The following MAGI2 variants were observed in gnomAD, a reference collection of about 807,000 sequenced individuals.
The protein encoded by MAGI2 is membrane-associated guanylate kinase, WW and PDZ domain-containing protein 2.
A neutral mutation model predicts 133.3 loss-of-function variants in MAGI2; 35 were observed. The observed-to-expected ratio is 0.26, with a 90% confidence interval of 0.20 to 0.35. MAGI2 has a LOEUF of 0.35. Ranked by LOEUF, MAGI2 falls within the 10% of genes least tolerant of loss-of-function variation. MAGI2 has a pLI of 1.00. For synonymous variants in MAGI2, 729 were observed against 710.6 expected, an observed-to-expected ratio of 1.03 and a Z score of -0.41; for missense variants, 1,636 against 1,863.4, an observed-to-expected ratio of 0.88 and a Z score of 2.25.
chr7:79,183,885 C>A (rs1826835999), intron 1 of MAGI2, among the ~76,000 whole-genome samples: 1 of 151,512 alleles, frequency 6.6e-6, no homozygotes, highest in South Asian at 2.1e-4. Context: ...AAGTCAGGCA[C>A]AGAAAGACAA....
chr7:78,985,943 T>G (rs1805218624), intron 2 of MAGI2, among the ~76,000 whole-genome samples: 1 of 152,066 alleles, frequency 6.6e-6, no homozygotes, highest in Non-Finnish European at 1.5e-5. Context: ...TATAGAAGAT[T>G]CCAGGTAATG....
intron 2 of MAGI2, among the ~76,000 whole-genome samples, chr7:78,944,750 T>C (rs1403487939): frequency 3.4e-5 from 5 of 148,626 alleles, no homozygotes; most frequent in Non-Finnish European, 7.4e-5. Context: ...TACTTATTTA[T>C]TTATGAGACA....
chr7:79,115,373 A>G (rs1218095232), intron 1 of MAGI2, among the ~76,000 whole-genome samples: 2 of 152,226 alleles, frequency 1.3e-5, no homozygotes, highest in Non-Finnish European at 2.9e-5. Flanking sequence ...ATTTTTATAT[A>G]TGCCTTAATT....
chr7:78,565,008 T>G (rs1004448936), intron 3 of MAGI2, among the ~76,000 whole-genome samples: 1 of 151,912 alleles, frequency 6.6e-6, no homozygotes, highest in African/African-American at 2.4e-5. Context: ...TTAGCCAGGA[T>G]GGTCTTGATC....
chr7:79,416,021 AT>A (rs1320238198), intron 1 of MAGI2, among the ~76,000 whole-genome samples: 1 of 152,194 alleles, frequency 6.6e-6, no homozygotes, highest in Non-Finnish European at 1.5e-5. Context: ...CTAATACCTA[AT>A]AATGAGTAGA....
intron 1 of MAGI2, among the ~76,000 whole-genome samples, chr7:79,205,783 AAAGTT>A (rs1829000412): frequency 4.0e-5 from 6 of 148,920 alleles, no homozygotes; most frequent in Admixed American, 2.0e-4. Context: ...GTGTGTAATT[AAAGTT>A]AAGTTGTAAT....
chr7:78,491,452 G>C (rs1793594467), intron 5 of MAGI2, among the ~76,000 whole-genome samples: 1 of 152,110 alleles, frequency 6.6e-6, no homozygotes, highest in Non-Finnish European at 1.5e-5. Context: ...ATGGAATAAA[G>C]AGAAGGTATT....
chr7:78,519,927 C>G (rs1458249291), intron 4 of MAGI2, among the ~76,000 whole-genome samples: 1 of 152,108 alleles, frequency 6.6e-6, no homozygotes, highest in African/African-American at 2.4e-5. Flanking sequence ...CAAAGATCAG[C>G]TAAGAAAACG....
chr7:78,355,507 A>G (rs1411918423), intron 7 of MAGI2, among the ~76,000 whole-genome samples: 1 of 152,248 alleles, frequency 6.6e-6, no homozygotes, highest in Non-Finnish European at 1.5e-5. Flanking sequence ...GCTGACCCTC[A>G]GTGAAATAGG....
chr7:78,273,080 A>G (rs1794741290), intron 9 of MAGI2, among the ~76,000 whole-genome samples: 1 of 152,168 alleles, frequency 6.6e-6, no homozygotes, highest in Admixed American at 6.6e-5. Flanking sequence ...GGCTGCTACC[A>G]GTTGATCCTT....
chr7:78,927,229 C>A (rs908705145), intron 2 of MAGI2, among the ~76,000 whole-genome samples: 1 of 152,108 alleles, frequency 6.6e-6, no homozygotes, highest in Middle Eastern at 3.4e-3. Context: ...CACTTAAATT[C>A]TCTAGATCTC....
intron 1 of MAGI2, among the ~76,000 whole-genome samples, chr7:79,309,737 C>G (rs1215385268): frequency 1.3e-5 from 2 of 151,452 alleles, no homozygotes; most frequent in Non-Finnish European, 2.9e-5. Context: ...TATCTAATAT[C>G]TAGAAAAAAA....
At chr7:79,428,253 G>A (rs777372963) in intron 1 of MAGI2, among the ~76,000 whole-genome samples, 6 of 152,064 alleles carry the variant, frequency 3.9e-5, no homozygotes, top group Admixed American at 6.5e-5. Flanking sequence ...ATATAAGACT[G>A]TGTAAATCTA....
intron 21 of MAGI2, among the ~76,000 whole-genome samples, chr7:78,057,047 C>CTA (rs1812649598): frequency 7.3e-6 from 1 of 136,158 alleles, no homozygotes; most frequent in African/African-American, 2.8e-5. Context: ...ATGAGTGTGT[C>CTA]TATATATATA....
At chr7:78,795,365 G>A (rs1787519431) in intron 2 of MAGI2, among the ~76,000 whole-genome samples, 1 of 151,658 alleles carries the variant, frequency 6.6e-6, no homozygotes, top group African/African-American at 2.4e-5. Context: ...TAAAGTTACA[G>A]GATATAAAAT....
At chr7:78,686,660 G>A (rs1021016188) in intron 2 of MAGI2, among the ~76,000 whole-genome samples, 1 of 151,836 alleles carries the variant, frequency 6.6e-6, no homozygotes, top group African/African-American at 2.4e-5. Context: ...AATGTGATCC[G>A]AGGCTATGAT....
intron 2 of MAGI2, among the ~76,000 whole-genome samples, chr7:78,689,095 T>C (rs1816685582): frequency 6.6e-6 from 1 of 152,204 alleles, no homozygotes; most frequent in African/African-American, 2.4e-5. Flanking sequence ...GCTTTGGTCT[T>C]TCACAATACA....
chr7:79,340,244 CT>C (rs1840789346), intron 1 of MAGI2, among the ~76,000 whole-genome samples: 1 of 151,938 alleles, frequency 6.6e-6, no homozygotes, highest in Non-Finnish European at 1.5e-5. Flanking sequence ...GATTTCTTGC[CT>C]TGCCTCATTT....
At chr7:79,096,284 G>A (rs1422490249) in intron 1 of MAGI2, among the ~76,000 whole-genome samples, 1 of 152,160 alleles carries the variant, frequency 6.6e-6, no homozygotes, top group Non-Finnish European at 1.5e-5. Flanking sequence ...TAAGAAGGAA[G>A]TTTTGGCAGT....
Sources: gnomAD v4.1 joint callset for allele counts (sites outside exome capture counted in the v4.1 genomes callset) on GRCh38, gnomAD v4.1.1 for gene constraint, MANE v1.5 for transcripts, NCBI Gene and HGNC (gene_info 2026-07-23, HGNC 2026-07-21) for gene names.